SRFBP1: variants seen among roughly 807,000 people sequenced by gnomAD.
The protein encoded by SRFBP1 is serum response factor binding protein 1, also known as serum response factor-binding protein 1.
In SRFBP1, 47 loss-of-function variants were observed where a neutral mutation model predicts 45.5. The ratio of observed to expected loss-of-function variants is 1.03; its 90% confidence interval spans 0.82 to 1.32. The LOEUF (loss-of-function observed/expected upper bound fraction) is 1.32, where lower values mean the gene tolerates loss of function less well. Ranked by LOEUF, SRFBP1 falls within the 40% of genes most tolerant of loss-of-function variation. SRFBP1 has a pLI of 0.00. For missense variants in SRFBP1, 621 were observed against 484.6 expected (o/e 1.28, Z -2.64); for synonymous variants, 203 against 166.3 (o/e 1.22, Z -1.70).
rs142607894 is a variant in SRFBP1 at position 122,047,917 on chromosome 5, G to A, written n.311+25510G>A. ...TTGTGTATCCTGAGACTTTGCTGAAGTTGCTTATCAGCTTAAGGAGATTTT... is the reference window on the plus strand; with the variant it reads ...TTGTGTATCCTGAGACTTTGCTGAAATTGCTTATCAGCTTAAGGAGATTTT... On this transcript the variant is annotated intron_variant and non_coding_transcript_variant, in intron 2 of 2. Coordinates refer to the SRFBP1 transcript ENST00000504881. Among the ~76,000 whole-genome samples the A allele has an allele frequency of 5.3e-3, 811 of 152,326 alleles. 15 individuals are homozygous for A. The highest frequency in any genetic ancestry group is 0.019 in the African/African-American group (779 of 41,576).
chr5:121,997,209 C>T (rs1752746856), intron 4 of SRFBP1, among the ~76,000 whole-genome samples: 2 of 149,030 alleles, frequency 1.3e-5, no homozygotes. Context: ...ATCGCCAAGT[C>T]AATCCTAAGC....
At chr5:121,996,507 T>C (rs1291537031) in intron 4 of SRFBP1, among the ~76,000 whole-genome samples, 31 of 21,192 alleles carry the variant, frequency 1.5e-3, no homozygotes, top group African/African-American at 3.8e-3. Context: ...ATTGATGGGA[T>C]GTATTTCAAA....
At chr5:121,964,093 C>T (rs944783854) in intron 1 of SRFBP1, among the ~76,000 whole-genome samples, 3 of 151,898 alleles carry the variant, frequency 2.0e-5, no homozygotes, top group Non-Finnish European at 4.4e-5. Context: ...AATTTGAATT[C>T]GCTTTCAATC....
At chr5:122,049,843 A>G (rs1051446878) in intron 2 of SRFBP1, among the ~76,000 whole-genome samples, 3 of 152,204 alleles carry the variant, frequency 2.0e-5, no homozygotes, top group African/African-American at 7.2e-5. Context: ...CAAGGACACA[A>G]CATACCAGAA....
At chr5:122,030,306 G>C (rs564248817), downstream of SRFBP1, among the ~76,000 whole-genome samples, 1 of 152,170 alleles carries the variant, frequency 6.6e-6, no homozygotes, top group South Asian at 2.1e-4. Flanking sequence ...TAAGAACAGG[G>C]ATCTTTGTGA....
At chr5:121,980,977 A>C (rs1752396732) in intron 3 of SRFBP1, among the ~76,000 whole-genome samples, 2 of 152,100 alleles carry the variant, frequency 1.3e-5, no homozygotes, top group Admixed American at 1.3e-4. Flanking sequence ...AGTTGGCCTT[A>C]GGCTAAACTT....
At chr5:121,994,729 T>A in intron 4 of SRFBP1, 59 bp downstream of exon 4, 1 of 1,157,170 alleles carries the variant, frequency 8.6e-7, no homozygotes, top group Non-Finnish European at 1.2e-6. Flanking sequence ...TATTGCTTAC[T>A]TTTTTCTTGA....
At chr5:122,077,664 C>T (rs200554252), downstream of SRFBP1, 279 of 1,605,586 alleles carry the variant, frequency 1.7e-4, 1 homozygote, top group African/African-American at 3.1e-3. This position sits in a 1 kb window ranked among gnomAD's most constrained non-coding sequence, Gnocchi z 4.9. Flanking sequence ...CCAGATGAGC[C>T]GGCCGTCCGC....
intron 4 of SRFBP1, among the ~76,000 whole-genome samples, chr5:121,997,624 A>G (rs1752759084): frequency 1.3e-5 from 2 of 151,716 alleles, no homozygotes; most frequent in Non-Finnish European, 2.9e-5. Flanking sequence ...TCATATCCAA[A>G]ACACCAAAAG....
intron 1 of SRFBP1, among the ~76,000 whole-genome samples, chr5:121,970,859 T>C (rs1752175840): frequency 6.6e-6 from 1 of 152,054 alleles, no homozygotes; most frequent in African/African-American, 2.4e-5. Context: ...TATAACCTAC[T>C]GGGGAAAGAC....
intron 2 of SRFBP1, among the ~76,000 whole-genome samples, chr5:122,047,058 C>T (rs1753874686): frequency 6.6e-6 from 1 of 152,116 alleles, no homozygotes; most frequent in East Asian, 1.9e-4. Context: ...TAATTAGATC[C>T]CATTTGTCAA....
intron 7 of SRFBP1, among the ~76,000 whole-genome samples, chr5:122,023,449 A>G (rs1337988500): frequency 2.0e-5 from 3 of 152,214 alleles, no homozygotes; most frequent in Non-Finnish European, 4.4e-5. Context: ...AATTCATACC[A>G]TGATATACCA....
intron 3 of SRFBP1, among the ~76,000 whole-genome samples, chr5:121,980,553 A>C (rs1752388144): frequency 6.6e-6 from 1 of 152,030 alleles, no homozygotes; most frequent in Non-Finnish European, 1.5e-5. Context: ...TTTTGAGAGC[A>C]ATTTTTTTGA....
intron 4 of SRFBP1, among the ~76,000 whole-genome samples, chr5:122,004,037 C>T (rs1419154180): frequency 6.6e-6 from 1 of 152,052 alleles, no homozygotes; most frequent in East Asian, 1.9e-4. Flanking sequence ...CGAGTTCAAG[C>T]GATCCTCCCA....
intron 4 of SRFBP1, among the ~76,000 whole-genome samples, chr5:122,016,610 A>T (rs73795205): frequency 6.6e-6 from 1 of 151,856 alleles, no homozygotes; most frequent in East Asian, 1.9e-4. Context: ...TTTTCATTGG[A>T]GTTTCTATAT....
chr5:122,021,849 G>GT (rs573714008), intron 6 of SRFBP1, among the ~76,000 whole-genome samples: 3,270 of 142,214 alleles, frequency 0.023, 86 homozygotes, highest in African/African-American at 0.067. Context: ...GCTAATTTTT[G>GT]TTTTTTTTTT....
chr5:121,975,880 G>T lies in SRFBP1; in HGVS notation c.198+493G>T, dbSNP rs1015922559. Among the ~76,000 whole-genome samples the T allele has an allele frequency of 6.4e-4, 92 of 144,080 alleles. 1 individual carries two copies. The highest frequency in any genetic ancestry group is 1.0e-3 in the Admixed American group (15 of 14,310). 94.5% of individuals were successfully genotyped at this position (144,080 alleles called of 152,430 possible). On this transcript the variant is annotated intron_variant, in intron 3 of 7. Transcript: ENST00000339397. The stretch of plus-strand genomic sequence containing the variant: ...TAGACCAATGTGATCCCATATTTTT[G>T]TTTTTTTTTTCAGTCAGACTCTTCA...
At chr5:122,017,572 A>G (rs535395717) in intron 4 of SRFBP1, among the ~76,000 whole-genome samples, 2 of 152,296 alleles carry the variant, frequency 1.3e-5, no homozygotes, top group South Asian at 2.1e-4. Context: ...TTCCAGGTGG[A>G]TGTGAATTTT....
At chr5:122,004,269 G>A (rs1752936527) in intron 4 of SRFBP1, among the ~76,000 whole-genome samples, 1 of 152,086 alleles carries the variant, frequency 6.6e-6, no homozygotes, top group African/African-American at 2.4e-5. Flanking sequence ...CCAGCCTTAC[G>A]TTTTGGCCTT....
Sources: allele counts gnomAD v4.1 joint callset (sites outside exome capture counted in the v4.1 genomes callset), GRCh38; gene constraint gnomAD v4.1.1; non-coding constraint Gnocchi (gnomAD v3.1); transcripts MANE v1.5; gene names NCBI Gene and HGNC (gene_info 2026-07-23, HGNC 2026-07-21).